The following BLTP3B variants were observed in gnomAD, a reference collection of about 807,000 sequenced individuals.
BLTP3B encodes the protein UHRF1 (ICBP90) binding protein 1-like.
chr12:100,050,918 C>T, the BLTP3B span, among the ~76,000 whole-genome samples: 4 of 152,090 alleles, frequency 2.6e-5, no homozygotes, highest in Non-Finnish European at 5.9e-5. Flanking sequence ...AAAGGAAAAA[C>T]GATTGGGGGG....
the BLTP3B span, among the ~76,000 whole-genome samples, chr12:100,053,942 A>G: frequency 6.6e-6 from 1 of 152,144 alleles, no homozygotes; most frequent in African/African-American, 2.4e-5. Context: ...AAAATTAATG[A>G]CCCTGACATA....
chr12:100,138,541 C>T, the BLTP3B span, among the ~76,000 whole-genome samples: 1 of 152,200 alleles, frequency 6.6e-6, no homozygotes, highest in African/African-American at 2.4e-5. Context: ...ATTACCCTCC[C>T]CTCCAAGTCT....
the BLTP3B span, among the ~76,000 whole-genome samples, chr12:100,118,787 A>C: frequency 1.3e-5 from 2 of 152,180 alleles, no homozygotes; most frequent in Admixed American, 6.5e-5. Flanking sequence ...ATTGTATGTA[A>C]ATTTCACTCA....
chr12:100,059,516 T>G, the BLTP3B span: 1 of 1,594,578 alleles, frequency 6.3e-7, no homozygotes, highest in Non-Finnish European at 8.5e-7. Context: ...CAGATTTCAC[T>G]TCAGAAGGAA....
the BLTP3B span, chr12:100,084,450 G>A: frequency 6.3e-7 from 1 of 1,595,942 alleles, no homozygotes; most frequent in African/African-American, 1.3e-5. Context: ...CTTAATATTA[G>A]GGGAATGCTA....
At chr12:100,064,644 A>C in the BLTP3B span, among the ~76,000 whole-genome samples, 1 of 152,134 alleles carries the variant, frequency 6.6e-6, no homozygotes. Context: ...CAGCTTCCTC[A>C]AACAAAACAA....
At chr12:100,062,462 A>C in the BLTP3B span, among the ~76,000 whole-genome samples, 1 of 152,256 alleles carries the variant, frequency 6.6e-6, no homozygotes, top group African/African-American at 2.4e-5. Context: ...TATATTCTCT[A>C]CTTTTGTTTA....
At chr12:100,071,840 A>G in the BLTP3B span, among the ~76,000 whole-genome samples, 1 of 152,236 alleles carries the variant, frequency 6.6e-6, no homozygotes, top group Non-Finnish European at 1.5e-5. Context: ...TATAGCTGAC[A>G]TATAAATGGA....
chr12:100,130,976 AGGGAGG>A, the BLTP3B span, among the ~76,000 whole-genome samples: 51 of 101,770 alleles, frequency 5.0e-4, no homozygotes, highest in East Asian at 1.7e-3. Context: ...AGAGAGAGAG[AGGGAGG>A]GAGAGAGAGA....
the BLTP3B span, among the ~76,000 whole-genome samples, chr12:100,098,176 C>A: frequency 6.6e-6 from 1 of 152,130 alleles, no homozygotes; most frequent in Non-Finnish European, 1.5e-5. Flanking sequence ...CGTGATTGCG[C>A]CACTGCACTC....
the BLTP3B span, among the ~76,000 whole-genome samples, chr12:100,096,417 A>G: frequency 6.6e-6 from 1 of 152,226 alleles, no homozygotes; most frequent in Non-Finnish European, 1.5e-5. Flanking sequence ...GATAAATTAT[A>G]TAATTACTTG....
At chr12:100,114,889 G>T in the BLTP3B span, among the ~76,000 whole-genome samples, 1 of 152,062 alleles carries the variant, frequency 6.6e-6, no homozygotes, top group African/African-American at 2.4e-5. Flanking sequence ...CTACACTCCT[G>T]TCACTCCAGG....
At chr12:100,082,670 T>C in the BLTP3B span, among the ~76,000 whole-genome samples, 1 of 152,260 alleles carries the variant, frequency 6.6e-6, no homozygotes, top group Admixed American at 6.5e-5. Flanking sequence ...CTGCTTGTTA[T>C]TGTCGACTTT....
chr12:100,102,417 A>G, the BLTP3B span, among the ~76,000 whole-genome samples: 1 of 152,004 alleles, frequency 6.6e-6, no homozygotes, highest in African/African-American at 2.4e-5. Flanking sequence ...CAGCCTCCCA[A>G]CTTAACTCTT....
chr12:100,045,826 T>G, the BLTP3B span, among the ~76,000 whole-genome samples: 10 of 152,090 alleles, frequency 6.6e-5, no homozygotes, highest in Admixed American at 1.3e-4. Context: ...TGCAGTCTAC[T>G]CATCTGACAA....
chr12:100,083,125 T>C, the BLTP3B span: 4 of 1,611,874 alleles, frequency 2.5e-6, no homozygotes, highest in Admixed American at 1.7e-5. Context: ...TTTCAGAGGG[T>C]AGTCCTTCTC....
chr12:100,055,386 C>A, the BLTP3B span, among the ~76,000 whole-genome samples: 1 of 151,866 alleles, frequency 6.6e-6, no homozygotes, highest in Non-Finnish European at 1.5e-5. Flanking sequence ...CTTAGAATAA[C>A]AAACAAGAGG....
At chr12:100,069,417 G>A in the BLTP3B span, among the ~76,000 whole-genome samples, 33 of 151,286 alleles carry the variant, frequency 2.2e-4, no homozygotes, top group Non-Finnish European at 4.1e-4. Flanking sequence ...GGTGGGTGGG[G>A]GTGTTTGTGT....
the BLTP3B span, among the ~76,000 whole-genome samples, chr12:100,068,641 CAAGAAA>C: frequency 6.6e-6 from 1 of 151,964 alleles, no homozygotes; most frequent in Non-Finnish European, 1.5e-5. Flanking sequence ...CTCAAATCAA[CAAGAAA>C]AAAACAAACA....
Sources: allele counts gnomAD v4.1 joint callset (sites outside exome capture counted in the v4.1 genomes callset), GRCh38; gene constraint gnomAD v4.1.1; transcripts MANE v1.5; gene names NCBI Gene and HGNC (gene_info 2026-07-23, HGNC 2026-07-21).